The following SAMSN1 variants were observed in gnomAD, a reference collection of about 807,000 sequenced individuals.
The protein encoded by SAMSN1 is SAM domain, SH3 domain and nuclear localization signals 1.
In SAMSN1, 31 loss-of-function variants were observed where a neutral mutation model predicts 42.0. The observed-to-expected ratio is 0.74, with a 90% CI of 0.55 to 1.00. The LOEUF (loss-of-function observed/expected upper bound fraction) is 1.00. Among genes scored for constraint, SAMSN1 ranks in the 50% least tolerant of loss-of-function variants. SAMSN1 has a pLI of 0.00. For missense variants in SAMSN1, 464 were observed against 439.4 expected, an observed-to-expected ratio of 1.06 and a Z score of -0.50; for synonymous variants, 178 against 151.9, an observed-to-expected ratio of 1.17 and a Z score of -1.26.
chr21:14,625,834 CA>C (rs1376701825), intron 2 of SAMSN1, among the ~76,000 whole-genome samples: 1 of 152,130 alleles, frequency 6.6e-6, no homozygotes, highest in Non-Finnish European at 1.5e-5. Context: ...AATCCTAAGC[CA>C]AAAGAACAAA....
intron 3 of SAMSN1, among the ~76,000 whole-genome samples, chr21:14,613,351 G>T (rs1982758607): frequency 6.6e-6 from 1 of 152,152 alleles, no homozygotes; most frequent in Admixed American, 6.5e-5. Context: ...TTGAAAGGCT[G>T]ATGGGCAACT....
chr21:14,649,072 A>G (rs921812415), intron 1 of SAMSN1, among the ~76,000 whole-genome samples: 3 of 152,114 alleles, frequency 2.0e-5, no homozygotes, highest in African/African-American at 7.2e-5. Flanking sequence ...CATATACACC[A>G]TGGAATACTA....
chr21:14,629,209 C>A (rs952546472), intron 2 of SAMSN1, among the ~76,000 whole-genome samples: 2 of 152,116 alleles, frequency 1.3e-5, no homozygotes, highest in African/African-American at 2.4e-5. Context: ...CTTCTTCAAG[C>A]CCTAATACTA....
intron 1 of SAMSN1, among the ~76,000 whole-genome samples, chr21:14,536,524 A>G (rs1384475338): frequency 2.6e-5 from 4 of 152,228 alleles, no homozygotes; most frequent in Non-Finnish European, 5.9e-5. Context: ...ACATTTTGCT[A>G]CCTGCTTGGG....
At chr21:14,557,088 C>T (rs1369842962) in intron 2 of SAMSN1, among the ~76,000 whole-genome samples, 2 of 152,152 alleles carry the variant, frequency 1.3e-5, no homozygotes, top group Non-Finnish European at 2.9e-5. Context: ...CAGTGAAACA[C>T]TCAGACTGTT....
At chr21:14,562,146 A>C (rs1034951973) in intron 2 of SAMSN1, among the ~76,000 whole-genome samples, 1 of 152,236 alleles carries the variant, frequency 6.6e-6, no homozygotes, top group African/African-American at 2.4e-5. Context: ...GGTGGGGAAC[A>C]ATTGAAGAAC....
intron 6 of SAMSN1, chr21:14,601,903 T>C (rs1042674458): frequency 2.5e-5 from 10 of 400,752 alleles, no homozygotes; most frequent in African/African-American, 2.0e-4. Context: ...CAACCTATAA[T>C]AACTAAATAG....
chr21:14,573,761 C>T (rs996284126), intron 2 of SAMSN1, among the ~76,000 whole-genome samples: 1 of 152,106 alleles, frequency 6.6e-6, no homozygotes, highest in Non-Finnish European at 1.5e-5. Flanking sequence ...CATTCTCCTC[C>T]ATTCCAAAGA....
intron 1 of SAMSN1, among the ~76,000 whole-genome samples, chr21:14,524,763 T>A (rs1298526935): frequency 6.6e-6 from 1 of 152,200 alleles, no homozygotes; most frequent in East Asian, 1.9e-4. Flanking sequence ...TGCAAATGTA[T>A]GAAGCTGTAA....
chr21:14,505,233 G>T (rs1258623513), intron 5 of SAMSN1, among the ~76,000 whole-genome samples: 12 of 152,114 alleles, frequency 7.9e-5, no homozygotes, highest in Non-Finnish European at 1.5e-5. Flanking sequence ...CATGATGAAT[G>T]GAATAGTACC....
At chr21:14,515,526 G>A (rs1474250328) in intron 3 of SAMSN1, among the ~76,000 whole-genome samples, 1 of 152,052 alleles carries the variant, frequency 6.6e-6, no homozygotes, top group African/African-American at 2.4e-5. Flanking sequence ...CAAAATTTAA[G>A]AGACTATTGG....
chr21:14,627,872 A>T (rs1983225330), intron 2 of SAMSN1, among the ~76,000 whole-genome samples: 1 of 152,224 alleles, frequency 6.6e-6, no homozygotes, highest in Admixed American at 6.5e-5. Flanking sequence ...GTTAACTACG[A>T]GGATAAGTGA....
At position 14,503,160 on chromosome 21, in the gene SAMSN1, T is replaced by C. The variant is rs191116988; in HGVS notation, c.562-2425A>G. ...AGGGACTTTGCAGATCCATTTAGTG[T>C]ACTGAATTATTTGATTTTGAGTTAA... On this transcript the variant is annotated intron_variant, in intron 5 of 7. Transcript: ENST00000400566. Among the ~76,000 whole-genome samples, 179 of 152,232 alleles carry C rather than the reference T, an allele frequency of 1.2e-3. 2 individuals carry two copies. Among genetic ancestry groups the C allele is most frequent in the African/African-American group, 4.0e-3 (165 of 41,534 alleles).
chr21:14,545,884 C>A (rs1980360604), intron 1 of SAMSN1, among the ~76,000 whole-genome samples: 1 of 152,116 alleles, frequency 6.6e-6, no homozygotes, highest in Non-Finnish European at 1.5e-5. Context: ...TCATTAAAAA[C>A]ATGCAAGAAG....
chr21:14,487,238 C>G (rs1445311511), intron 7 of SAMSN1, among the ~76,000 whole-genome samples: 6 of 152,090 alleles, frequency 3.9e-5, no homozygotes, highest in Non-Finnish European at 5.9e-5. Flanking sequence ...AAAGTAAATC[C>G]AAACCTCAGA....
intron 2 of SAMSN1, among the ~76,000 whole-genome samples, chr21:14,621,145 A>T (rs913172617): frequency 2.0e-5 from 3 of 152,220 alleles, no homozygotes; most frequent in African/African-American, 7.2e-5. Context: ...AGCAAAGAGG[A>T]TGATTATGAA....
chr21:14,615,716 G>T (rs1982816770), intron 3 of SAMSN1, among the ~76,000 whole-genome samples: 1 of 151,864 alleles, frequency 6.6e-6, no homozygotes, highest in Admixed American at 6.6e-5. Context: ...TTTAATCTAG[G>T]CCTGGTTTAG....
chr21:14,616,728 T>C (rs1163633672), intron 2 of SAMSN1, among the ~76,000 whole-genome samples: 2 of 152,198 alleles, frequency 1.3e-5, no homozygotes, highest in African/African-American at 2.4e-5. Context: ...ACCGATTGTG[T>C]TCTGGAGAGG....
intron 2 of SAMSN1, among the ~76,000 whole-genome samples, chr21:14,519,044 G>T (rs1988040561): frequency 6.6e-6 from 1 of 152,110 alleles, no homozygotes; most frequent in African/African-American, 2.4e-5. Context: ...TTATGTTTAT[G>T]TCTTTTGAGT....
Sources: allele counts gnomAD v4.1 joint callset (sites outside exome capture counted in the v4.1 genomes callset), GRCh38; gene constraint gnomAD v4.1.1; transcripts MANE v1.5; gene names NCBI Gene and HGNC (gene_info 2026-07-23, HGNC 2026-07-21).